ROPN1L: variants seen among roughly 807,000 people sequenced by gnomAD.
ROPN1L encodes rhophilin associated tail protein 1 like, also known as ropporin-1-like protein.
A neutral mutation model predicts 22.7 loss-of-function variants in ROPN1L; 23 were observed. The ratio of observed to expected loss-of-function variants is 1.01; its 90% CI spans 0.73 to 1.43. The LOEUF is 1.43. Ranked by LOEUF, ROPN1L falls within the 40% of genes most tolerant of loss-of-function variation. The probability of loss-of-function intolerance (pLI) is 0.00; values close to 1 mark genes in which losing one functional copy is unlikely to be tolerated. For synonymous variants in ROPN1L, 116 were observed against 117.8 expected, an observed-to-expected ratio of 0.98 and a Z score of 0.10; for missense variants, 271 against 291.5, an observed-to-expected ratio of 0.93 and a Z score of 0.51.
In ROPN1L at chr5:10,448,732, C is replaced by T. The variant is rs572651241; in HGVS notation, c.255+349C>T. 1.4e-4 allele frequency among the ~76,000 whole-genome samples: 21 copies of T among 152,316 alleles called. No homozygotes were observed. In the South Asian group the frequency reaches 4.4e-3, roughly 32 times the overall value. Reference sequence around the variant, plus strand: ...CCTGGGGGGTTTCCAGTCCGTTCTCCAGGTGTGTGTTTGTGAAAGCTGTGC... The same window carrying T: ...CCTGGGGGGTTTCCAGTCCGTTCTCTAGGTGTGTGTTTGTGAAAGCTGTGC... On this transcript the variant is annotated intron_variant, in intron 2 of 4. Coordinates refer to ENST00000274134, the MANE Select transcript of ROPN1L (RefSeq NM_031916.5).
downstream of ROPN1L, among the ~76,000 whole-genome samples, chr5:10,476,897 G>A (rs1735324696): frequency 6.6e-6 from 1 of 152,244 alleles, no homozygotes; most frequent in South Asian, 2.1e-4. Context: ...AGTAAGTCTT[G>A]GATCTGGGAG....
At chr5:10,465,794 G>C (rs1735143639), downstream of ROPN1L, among the ~76,000 whole-genome samples, 1 of 152,160 alleles carries the variant, frequency 6.6e-6, no homozygotes, top group Non-Finnish European at 1.5e-5. Flanking sequence ...GGAGGTTGTA[G>C]TGAGCCGAGA....
chr5:10,475,309 A>C (rs543388043), downstream of ROPN1L, among the ~76,000 whole-genome samples: 34 of 152,332 alleles, frequency 2.2e-4, no homozygotes, highest in Admixed American at 2.2e-3. Flanking sequence ...AATGGCTGTT[A>C]TTCATATCTG....
At chr5:10,461,902 C>T (rs1735038048) in intron 4 of ROPN1L, among the ~76,000 whole-genome samples, 1 of 152,186 alleles carries the variant, frequency 6.6e-6, no homozygotes, top group South Asian at 2.1e-4. Context: ...GGCTTTTGCC[C>T]CCATGGAGTT....
intron 1 of ROPN1L, among the ~76,000 whole-genome samples, chr5:10,445,881 A>G (rs532584538): frequency 1.3e-4 from 20 of 152,336 alleles, no homozygotes; most frequent in Admixed American, 3.3e-4. Context: ...CATGTTCACA[A>G]CACTCTACTC....
the ROPN1L span, among the ~76,000 whole-genome samples, chr5:10,480,361 G>A: frequency 5.9e-5 from 9 of 152,296 alleles, no homozygotes; most frequent in African/African-American, 2.2e-4. Context: ...TGAACCTCCC[G>A]GAGTAGGATT....
downstream of ROPN1L, among the ~76,000 whole-genome samples, chr5:10,475,371 G>A (rs935708556): frequency 2.8e-4 from 43 of 152,076 alleles, no homozygotes; most frequent in African/African-American, 8.9e-4. Flanking sequence ...CCAGTTCCTC[G>A]TACCCCGACC....
chr5:10,460,282 C>T (rs1734993452), intron 3 of ROPN1L, among the ~76,000 whole-genome samples: 1 of 152,236 alleles, frequency 6.6e-6, no homozygotes, highest in Non-Finnish European at 1.5e-5. Context: ...ACAAACAGCT[C>T]ATGTTTTTTC....
intron 3 of ROPN1L, among the ~76,000 whole-genome samples, chr5:10,457,982 G>T (rs1423525273): frequency 1.3e-5 from 2 of 152,052 alleles, no homozygotes; most frequent in East Asian, 3.9e-4. Flanking sequence ...AGCCTGCAGG[G>T]CACCACCCTG....
intron 1 of ROPN1L, among the ~76,000 whole-genome samples, chr5:10,443,223 A>G (rs1740941483): frequency 1.3e-5 from 2 of 152,194 alleles, no homozygotes; most frequent in South Asian, 2.1e-4. Flanking sequence ...TTTAAAAAGA[A>G]AAAAAACAGC....
At chr5:10,453,516 A>G (rs1405073584) in intron 3 of ROPN1L, among the ~76,000 whole-genome samples, 1 of 152,134 alleles carries the variant, frequency 6.6e-6, no homozygotes, top group Non-Finnish European at 1.5e-5. Context: ...AATACCTTCA[A>G]AAAGGAGGAA....
downstream of ROPN1L, among the ~76,000 whole-genome samples, chr5:10,468,926 T>C (rs985714867): frequency 4.6e-5 from 7 of 152,066 alleles, no homozygotes; most frequent in Admixed American, 1.3e-4. Flanking sequence ...GAGGCCAAGG[T>C]GGGTGGATTA....
chr5:10,470,538 G>A (rs950849903), intron 4 of ROPN1L, among the ~76,000 whole-genome samples: 2 of 152,216 alleles, frequency 1.3e-5, no homozygotes, highest in Admixed American at 6.5e-5. Context: ...GCCCCCACAG[G>A]TGAAAGAAAC....
At chr5:10,454,734 G>T (rs368387273) in intron 3 of ROPN1L, among the ~76,000 whole-genome samples, 1 of 152,210 alleles carries the variant, frequency 6.6e-6, no homozygotes, top group African/African-American at 2.4e-5. Flanking sequence ...CACGGTGCAC[G>T]CAGTGGGCAT....
downstream of ROPN1L, among the ~76,000 whole-genome samples, chr5:10,473,825 GTTC>G (rs948554186): frequency 3.3e-5 from 5 of 152,158 alleles, no homozygotes; most frequent in African/African-American, 1.2e-4. Context: ...ATAAGAGAGA[GTTC>G]TAGAATGGAG....
At chr5:10,448,108 C>A in intron 1 of ROPN1L, 152 bp from the exon 2 acceptor site, 1 of 795,828 alleles carries the variant, frequency 1.3e-6, no homozygotes, top group Non-Finnish European at 2.0e-6. Flanking sequence ...GTCAGAGAAC[C>A]AAGTGGAGGA....
downstream of ROPN1L, among the ~76,000 whole-genome samples, chr5:10,467,054 G>A (rs1368202904): frequency 2.0e-5 from 3 of 152,050 alleles, no homozygotes; most frequent in Non-Finnish European, 4.4e-5. Context: ...ACCTTTTAAA[G>A]ATCCTGTCTC....
At chr5:10,448,411 A>C in intron 2 of ROPN1L, 28 bp downstream of exon 2, 1 of 1,613,330 alleles carries the variant, frequency 6.2e-7, no homozygotes, top group Non-Finnish European at 8.5e-7. Flanking sequence ...CTCTGGCCTC[A>C]GGCAGCTGGC....
At chr5:10,472,318 C>A (rs890332559), downstream of ROPN1L, among the ~76,000 whole-genome samples, 7 of 152,164 alleles carry the variant, frequency 4.6e-5, no homozygotes, top group African/African-American at 1.7e-4. Flanking sequence ...GAATTGGTGT[C>A]TGAGTTCTTT....
Sources: gnomAD v4.1 joint callset for allele counts (sites outside exome capture counted in the v4.1 genomes callset) on GRCh38, gnomAD v4.1.1 for gene constraint, MANE v1.5 for transcripts, NCBI Gene and HGNC (gene_info 2026-07-23, HGNC 2026-07-21) for gene names.